Variants in RBFOX1 observed in about 807,000 individuals in gnomAD.
The protein encoded by RBFOX1 is RNA binding protein fox-1 homolog 1.
RBFOX1 carries 8 observed loss-of-function variants against 57.7 expected under a neutral mutation model. The ratio of observed to expected loss-of-function variants is 0.14; its 90% confidence interval spans 0.08 to 0.25. The LOEUF is 0.25. Among genes scored for constraint, RBFOX1 ranks in the 10% least tolerant of loss-of-function variants. RBFOX1 has a pLI of 1.00. For synonymous variants in RBFOX1, 326 were observed against 222.4 expected (o/e 1.47, Z -4.15); for missense variants, 611 against 548.5 (o/e 1.11, Z -1.14).
chr16:7,028,329 C>G (rs565241095), intron 3 of RBFOX1, among the ~76,000 whole-genome samples: 1 of 152,090 alleles, frequency 6.6e-6, no homozygotes, highest in Non-Finnish European at 1.5e-5. Flanking sequence ...TGTGAAATTG[C>G]TCTGCCTGGG....
rs1227076098 is a variant in RBFOX1 at position 5,366,404 on chromosome 16, C to G, written c.220-100812C>G. On this transcript the variant is annotated intron_variant, in intron 1 of 2. Coordinates refer to the RBFOX1 transcript ENST00000585867. ...AGTGAAGAAATATATATGAGATACT[C>G]CAGCCAAAAATGCACACAAGTCAAA... The G allele has an allele frequency of 1.4e-5, 6 of 434,458 alleles. No homozygotes were observed. In the East Asian group the frequency reaches 2.9e-4, roughly 21 times the overall value. The allele number at this position is 434,458 out of a possible 1,614,324, so 26.9% of individuals were successfully genotyped here.
At chr16:6,498,692 G>A (rs1050580114) in intron 2 of RBFOX1, among the ~76,000 whole-genome samples, 2 of 152,134 alleles carry the variant, frequency 1.3e-5, no homozygotes, top group Non-Finnish European at 2.9e-5. Flanking sequence ...TGATCACATT[G>A]GATTGTCCCA....
intron 1 of RBFOX1, among the ~76,000 whole-genome samples, chr16:6,048,143 A>T (rs985926748): frequency 6.6e-6 from 1 of 152,200 alleles, no homozygotes; most frequent in Non-Finnish European, 1.5e-5. Context: ...GATTTAATCT[A>T]TATAACAGCT....
intron 2 of RBFOX1, among the ~76,000 whole-genome samples, chr16:6,537,939 T>C (rs893599449): frequency 3.3e-5 from 5 of 151,928 alleles, no homozygotes; most frequent in Admixed American, 2.0e-4. Flanking sequence ...TTTTTTTTTT[T>C]AATAAAAAGG....
At chr16:6,437,669 G>A (rs2094275136) in intron 2 of RBFOX1, among the ~76,000 whole-genome samples, 1 of 152,192 alleles carries the variant, frequency 6.6e-6, no homozygotes, top group African/African-American at 2.4e-5. Context: ...TGTATAGGAG[G>A]CATGGCTGGG....
intron 3 of RBFOX1, among the ~76,000 whole-genome samples, chr16:5,710,377 T>C (rs1453599520): frequency 6.6e-6 from 1 of 152,192 alleles, no homozygotes; most frequent in Admixed American, 6.5e-5. Context: ...GCTAGTGCCA[T>C]TGACATGGGT....
intron 1 of RBFOX1, among the ~76,000 whole-genome samples, chr16:6,148,648 C>G (rs944754968): frequency 2.6e-5 from 4 of 152,140 alleles, no homozygotes; most frequent in African/African-American, 9.7e-5. Context: ...CTCTAAAATG[C>G]TGGTGATGTA....
At chr16:6,145,711 A>G (rs1434785664) in intron 1 of RBFOX1, among the ~76,000 whole-genome samples, 1 of 152,210 alleles carries the variant, frequency 6.6e-6, no homozygotes, top group African/African-American at 2.4e-5. Context: ...TGTTTATGGC[A>G]TACGTCCATT....
chr16:6,853,725 A>C (rs1390860824), intron 3 of RBFOX1, among the ~76,000 whole-genome samples: 1 of 152,142 alleles, frequency 6.6e-6, no homozygotes, highest in Non-Finnish European at 1.5e-5. Flanking sequence ...ACCAGTAGAC[A>C]ATGTGATTGG....
intron 2 of RBFOX1, among the ~76,000 whole-genome samples, chr16:6,637,584 A>G (rs2098456078): frequency 7.1e-6 from 1 of 140,546 alleles, no homozygotes; most frequent in South Asian, 2.2e-4. Context: ...TATATATATA[A>G]TAGTCTATAT....
At chr16:5,761,153 G>A (rs1181160274) in intron 3 of RBFOX1, among the ~76,000 whole-genome samples, 6 of 152,180 alleles carry the variant, frequency 3.9e-5, no homozygotes, top group Non-Finnish European at 5.9e-5. Flanking sequence ...AAGAAGAAAT[G>A]CTTCTGTAGA....
At chr16:6,211,746 C>A (rs1368951773) in intron 1 of RBFOX1, among the ~76,000 whole-genome samples, 1 of 151,974 alleles carries the variant, frequency 6.6e-6, no homozygotes, top group Non-Finnish European at 1.5e-5. Context: ...AATTGTGCTT[C>A]TAAGAATTGA....
chr16:6,881,673 T>C (rs528316976), intron 3 of RBFOX1, among the ~76,000 whole-genome samples: 4 of 152,306 alleles, frequency 2.6e-5, no homozygotes, highest in East Asian at 1.9e-4. Context: ...TTCTTAGATG[T>C]TGGCAGTTAA....
chr16:5,308,100 G>A (rs1192822107), intron 1 of RBFOX1, among the ~76,000 whole-genome samples: 1 of 152,164 alleles, frequency 6.6e-6, no homozygotes, highest in Non-Finnish European at 1.5e-5. Flanking sequence ...AGCATTTTGG[G>A]AGGCTGAGGT....
intron 3 of RBFOX1, among the ~76,000 whole-genome samples, chr16:6,845,244 C>G (rs577942462): frequency 1.3e-5 from 2 of 151,646 alleles, no homozygotes; most frequent in Admixed American, 1.3e-4. Flanking sequence ...CGTTATGAAT[C>G]CTTGCCCGTA....
At chr16:7,546,179 C>T (rs113328828) in intron 5 of RBFOX1, among the ~76,000 whole-genome samples, 2 of 151,682 alleles carry the variant, frequency 1.3e-5, no homozygotes, top group African/African-American at 4.8e-5. Flanking sequence ...ATATAAAAAT[C>T]AGCCAGGCAT....
intron 3 of RBFOX1, among the ~76,000 whole-genome samples, chr16:6,786,311 T>C (rs7204283): frequency 0.75 from 114,091 of 152,012 alleles, 44,180 homozygotes; most frequent in African/African-American, 0.93. Context: ...GTTATAATTC[T>C]TCCCACATTA....
intron 2 of RBFOX1, among the ~76,000 whole-genome samples, chr16:6,618,257 A>C (rs1341923745): frequency 1.3e-5 from 2 of 152,204 alleles, no homozygotes; most frequent in Admixed American, 1.3e-4. Flanking sequence ...GATTATGTGT[A>C]TACCCTAGAA....
intron 2 of RBFOX1, among the ~76,000 whole-genome samples, chr16:6,354,702 T>C (rs1203529349): frequency 6.6e-6 from 1 of 152,202 alleles, no homozygotes; most frequent in African/African-American, 2.4e-5. Context: ...GCCGTTCCTG[T>C]ACCTGGAACA....
Sources: allele counts gnomAD v4.1 joint callset (sites outside exome capture counted in the v4.1 genomes callset), GRCh38; gene constraint gnomAD v4.1.1; transcripts MANE v1.5; gene names NCBI Gene and HGNC (gene_info 2026-07-23, HGNC 2026-07-21).